Variants in SYNE1 observed in about 807,000 individuals in gnomAD.
SYNE1 encodes the protein nesprin-1.
SYNE1 carries 616 observed loss-of-function variants against 1,111.0 expected under a neutral mutation model. That is an observed-to-expected ratio of 0.55 (90% CI 0.52 to 0.59). The LOEUF (loss-of-function observed/expected upper bound fraction) is 0.59, where lower values mean the gene tolerates loss of function less well. Among genes scored for constraint, SYNE1 ranks in the 20% least tolerant of loss-of-function variants. The pLI, the probability that SYNE1 is intolerant of heterozygous loss-of-function variation, is 0.00. For synonymous variants in SYNE1, 3,855 were observed against 3,825.8 expected, an observed-to-expected ratio of 1.01 and a Z score of -0.28; for missense variants, 10,006 against 10,417.0, an observed-to-expected ratio of 0.96 and a Z score of 1.72.
At chr6:152,382,689 A>G (rs778208246) in intron 55 of SYNE1, among the ~76,000 whole-genome samples, 14 of 152,294 alleles carry the variant, frequency 9.2e-5, no homozygotes, top group African/African-American at 3.1e-4. Flanking sequence ...AACCAGTGCT[A>G]TGTCTAACTA....
chr6:152,520,167 CTA>C (rs1016557246), intron 6 of SYNE1, among the ~76,000 whole-genome samples: 1 of 152,072 alleles, frequency 6.6e-6, no homozygotes, highest in Non-Finnish European at 1.5e-5. Context: ...GGACTAATGT[CTA>C]TGTTTTAGTT....
At position 152,239,628 on chromosome 6, in the gene SYNE1, T is replaced by C. The variant is rs376891338; in HGVS notation, c.19972A>G (p.Lys6658Glu). The stretch of plus-strand genomic sequence containing the variant: ...AGCTCTGTATGGAACTGGGTTTCCT[T>C]TTGGACTGCAAAGCTGATTATCTTT... ...FRKIISFAVQ[K>E]ETQFHTELMA... Residue 6658 changes from lysine (K) to glutamate (E), a missense_variant, in exon 108 of 146, where the codon AAG becomes GAG. By Grantham distance (56) the Lys-to-Glu change is moderately conservative (BLOSUM62 1). Transcript: ENST00000367255. 1.1e-4 allele frequency: 181 copies of C among 1,614,102 alleles called. No homozygotes were observed. In the Middle Eastern group the frequency reaches 1.8e-3, roughly 16 times the overall value.
At chr6:152,583,440 A>T (rs2099527027) in intron 3 of SYNE1, among the ~76,000 whole-genome samples, 2 of 152,230 alleles carry the variant, frequency 1.3e-5, no homozygotes, top group African/African-American at 2.4e-5. Flanking sequence ...GAGGATAAAA[A>T]TAGTGTCACC....
intron 104 of SYNE1, among the ~76,000 whole-genome samples, chr6:152,252,288 T>A (rs1007403560): frequency 6.6e-6 from 1 of 151,554 alleles, no homozygotes; most frequent in African/African-American, 2.4e-5. Context: ...ATAAATTAAA[T>A]AAATAAATAA....
chr6:152,281,401 C>T (rs1379096674), intron 97 of SYNE1, among the ~76,000 whole-genome samples: 4 of 152,124 alleles, frequency 2.6e-5, no homozygotes, highest in Admixed American at 6.5e-5. Context: ...AAAAGTTTTC[C>T]GAATAATATA....
intron 34 of SYNE1, among the ~76,000 whole-genome samples, chr6:152,430,932 C>A (rs1026240691): frequency 1.3e-5 from 2 of 152,064 alleles, no homozygotes; most frequent in African/African-American, 2.4e-5. Context: ...CTGGATAGAG[C>A]ATACGGAGAA....
chr6:152,453,719 T>C lies in SYNE1; in HGVS notation c.2894A>G (p.Glu965Gly). 6.2e-7 allele frequency: 1 copy of C among 1,614,080 alleles called. No individual in the cohort carries two copies. The highest frequency in any genetic ancestry group is 8.5e-7 in the Non-Finnish European group (1 of 1,180,016). Residue 965 changes from glutamate to glycine, a missense_variant and splice_region_variant, in exon 25 of 146, where the codon GAG becomes GGG. Glu to Gly is a moderately conservative substitution (Grantham distance 98). Transcript: ENST00000367255. ...DPEELLRRHT[E>G]FFSQLDQRVL... Reference sequence around the variant, plus strand: ...CCTCTGATCCAGCTGACTGAAAAACTCCTGACATGGAAGGGGAAAGTGGGT... The same window carrying C: ...CCTCTGATCCAGCTGACTGAAAAACCCCTGACATGGAAGGGGAAAGTGGGT...
chr6:152,223,977 A>G (rs2080861266), intron 117 of SYNE1, among the ~76,000 whole-genome samples: 1 of 152,216 alleles, frequency 6.6e-6, no homozygotes, highest in Non-Finnish European at 1.5e-5. Context: ...CATGGACACA[A>G]TGACAAAGGA....
chr6:152,207,834 T>C, intron 125 of SYNE1, 138 bp downstream of exon 125: 2 of 842,376 alleles, frequency 2.4e-6, no homozygotes, highest in Non-Finnish European at 4.0e-6. Flanking sequence ...TCATTTTGTA[T>C]ATTTCTGTTG....
intron 3 of SYNE1, among the ~76,000 whole-genome samples, chr6:152,614,049 G>A (rs2099639282): frequency 6.6e-6 from 1 of 152,124 alleles, no homozygotes. Flanking sequence ...GAAAGCCTAG[G>A]CAATACCATT....
chr6:152,323,805 T>C lies in SYNE1; in HGVS notation c.15658-68A>G, dbSNP rs557750778. ...ACTGAAAAAAATAGGGTAACTCCCA[T>C]AAAAGCCACACACTAGTGTATGAAG... On this transcript the variant is annotated intron_variant, in intron 81 of 145. Transcript: ENST00000367255. The C allele has an allele frequency of 1.5e-4, 238 of 1,559,716 alleles. 1 individual carries two copies. The highest frequency in any genetic ancestry group is 2.1e-4 in the Non-Finnish European group (234 of 1,138,222).
intron 56 of SYNE1, 149 bp from the exon 57 acceptor site, chr6:152,377,061 A>C: frequency 9.1e-7 from 1 of 1,098,086 alleles, no homozygotes; most frequent in Non-Finnish European, 1.3e-6. Flanking sequence ...GCCTGTTTTC[A>C]GGATTCCTCT....
chr6:152,302,272 C>CCGAG, intron 91 of SYNE1: 1 of 651,546 alleles, frequency 1.5e-6, no homozygotes, highest in Non-Finnish European at 2.7e-6. Context: ...GCCAAAGTGC[C>CCGAG]CGAGCCCGCG....
chr6:152,393,478 G>C (rs2097680189), intron 51 of SYNE1, among the ~76,000 whole-genome samples: 1 of 151,716 alleles, frequency 6.6e-6, no homozygotes, highest in Non-Finnish European at 1.5e-5. Flanking sequence ...CTAGTATTCT[G>C]TTAATTCAGC....
intron 3 of SYNE1, among the ~76,000 whole-genome samples, chr6:152,611,532 C>T (rs892684543): frequency 1.3e-5 from 2 of 152,122 alleles, no homozygotes; most frequent in African/African-American, 4.8e-5. Context: ...ACTTAGACTC[C>T]CACAGAATAA....
intron 26 of SYNE1, 104 bp downstream of exon 26, chr6:152,450,943 A>T: frequency 6.3e-7 from 1 of 1,593,644 alleles, no homozygotes; most frequent in Non-Finnish European, 8.6e-7. Flanking sequence ...AAGGTAGAGT[A>T]ATTAAGCTAT....
At chr6:152,630,434 T>A (rs2129004836) in intron 2 of SYNE1, among the ~76,000 whole-genome samples, 1 of 152,308 alleles carries the variant, frequency 6.6e-6, no homozygotes, top group Non-Finnish European at 1.5e-5. Flanking sequence ...GTCACATACA[T>A]ACCTATAGCC....
chr6:152,436,312 T>C lies in SYNE1; in HGVS notation c.4150-211A>G, dbSNP rs373645081. On this transcript the variant is annotated intron_variant, in intron 32 of 145. Transcript: ENST00000367255. Reference sequence around the variant, plus strand: ...GCTAACAGTTTTTTATTTTATTTCTTTTTTTTTGAGATAGGGTCTTGCTCT... The same window carrying C: ...GCTAACAGTTTTTTATTTTATTTCTCTTTTTTTGAGATAGGGTCTTGCTCT... Among the ~76,000 whole-genome samples the C allele has an allele frequency of 4.6e-5, 7 of 152,110 alleles. 1 individual carries two copies. Among genetic ancestry groups the C allele is most frequent in the African/African-American group, 1.7e-4 (7 of 41,532 alleles).
At position 152,140,027 on chromosome 6, in the gene SYNE1, C is replaced by T. The variant is rs119103248; in HGVS notation, c.25381G>A (p.Glu8461Lys). 1,346 of 1,614,192 alleles carry T rather than the reference C, an allele frequency of 8.3e-4. 2 individuals carry two copies. Among genetic ancestry groups the T allele is most frequent in the Middle Eastern group, 2.8e-3 (17 of 6,062 alleles). ...SIWAWLGDTEEELEQLQRLEL... is the reference protein window; with the variant it reads ...SIWAWLGDTEKELEQLQRLEL... ...AGACGCTGGAGCTGTTCCAACTCCTCCTCCGTGTCCCCCAGCCAGGCCCAG... is the reference window on the plus strand; with the variant it reads ...AGACGCTGGAGCTGTTCCAACTCCTTCTCCGTGTCCCCCAGCCAGGCCCAG... Residue 8461 changes from glutamate to lysine, a missense_variant, in exon 140 of 146, where the codon GAG (glutamate) becomes AAG (lysine). This residue lies in a region of SYNE1 where 761 missense variants were observed against 795.5 expected (regional missense o/e 0.96). Coordinates refer to ENST00000367255, the MANE Select transcript of SYNE1 (RefSeq NM_182961.4).
Sources: gnomAD v4.1 joint callset for allele counts (sites outside exome capture counted in the v4.1 genomes callset) on GRCh38, gnomAD v4.1.1 for gene constraint, gnomAD v4.1.1 regional missense constraint, MANE v1.5 for transcripts, NCBI Gene and HGNC (gene_info 2026-07-23, HGNC 2026-07-21) for gene names.